The following PDGFD variants were observed in gnomAD, a reference collection of about 807,000 sequenced individuals.
The protein encoded by PDGFD is platelet derived growth factor D.
A neutral mutation model predicts 44.7 loss-of-function variants in PDGFD; 30 were observed. The ratio of observed to expected loss-of-function variants is 0.67; its 90% confidence interval spans 0.50 to 0.91. The LOEUF (loss-of-function observed/expected upper bound fraction) is 0.91. Ranked by LOEUF, PDGFD falls within the 40% of genes least tolerant of loss-of-function variation. The pLI, the probability that PDGFD is intolerant of heterozygous loss-of-function variation, is 0.00. For synonymous variants in PDGFD, 173 were observed against 168.4 expected (o/e 1.03, Z -0.21); for missense variants, 445 against 457.8 (o/e 0.97, Z 0.25).
chr11:103,966,763 C>T (rs1313375378), intron 3 of PDGFD, among the ~76,000 whole-genome samples: 2 of 152,184 alleles, frequency 1.3e-5, no homozygotes, highest in African/African-American at 2.4e-5. Flanking sequence ...ACCATGGGCA[C>T]AATATCACTT....
chr11:103,945,694 T>A (rs1325452046), intron 4 of PDGFD: 3 of 152,090 alleles, frequency 2.0e-5, no homozygotes, highest in Non-Finnish European at 4.4e-5. Context: ...CTGCATGGAG[T>A]TCTCCAGGGT....
At chr11:104,137,927 C>T (rs1255347989) in intron 1 of PDGFD, among the ~76,000 whole-genome samples, 1 of 151,902 alleles carries the variant, frequency 6.6e-6, no homozygotes, top group Non-Finnish European at 1.5e-5. Flanking sequence ...AATGCAGTAG[C>T]TTTGCAGAGA....
At chr11:104,125,758 G>A (rs1264476461) in intron 1 of PDGFD, among the ~76,000 whole-genome samples, 1 of 152,030 alleles carries the variant, frequency 6.6e-6, no homozygotes, top group African/African-American at 2.4e-5. Context: ...AACTTTATTT[G>A]CAAAATATCA....
intron 3 of PDGFD, among the ~76,000 whole-genome samples, chr11:103,953,664 CAAG>C (rs1390785101): frequency 6.6e-6 from 1 of 151,962 alleles, no homozygotes; most frequent in Non-Finnish European, 1.5e-5. Context: ...TAGCACAAAT[CAAG>C]AAGGTTTATT....
At chr11:104,065,052 G>C (rs1017678736) in intron 1 of PDGFD, among the ~76,000 whole-genome samples, 3 of 152,252 alleles carry the variant, frequency 2.0e-5, no homozygotes, top group South Asian at 4.1e-4. Flanking sequence ...AGAATAAAAG[G>C]AGGCAGAAGA....
At chr11:103,983,467 CT>C (rs1161065132) in intron 3 of PDGFD, among the ~76,000 whole-genome samples, 5 of 149,588 alleles carry the variant, frequency 3.3e-5, no homozygotes. Context: ...TAAAAAAATC[CT>C]GAAGACAACT....
rs570295834 is a variant in PDGFD at position 103,996,329 on chromosome 11, A to T, written c.330-84T>A. The T allele has an allele frequency of 3.0e-5, 35 of 1,174,616 alleles. No homozygotes were observed. The South Asian group carries it at 4.6e-4, about 15-fold the overall frequency. 72.8% of individuals were successfully genotyped at this position (1,174,616 alleles called of 1,614,324 possible). Reference sequence around the variant, plus strand: ...CTTTCACTGAGAAATTAAAACTAGCATATATGATTTGTCATGACCACAATC... The same window carrying T: ...CTTTCACTGAGAAATTAAAACTAGCTTATATGATTTGTCATGACCACAATC... On this transcript the variant is annotated intron_variant, in intron 2 of 6. Transcript: ENST00000393158.
chr11:103,937,435 AG>A (rs1244603056), intron 5 of PDGFD, among the ~76,000 whole-genome samples: 1 of 152,180 alleles, frequency 6.6e-6, no homozygotes, highest in Non-Finnish European at 1.5e-5. Context: ...GTTAATGTCC[AG>A]TCAGGGCTGA....
intron 1 of PDGFD, among the ~76,000 whole-genome samples, chr11:104,025,762 C>T (rs1009162197): frequency 1.3e-5 from 2 of 152,166 alleles, no homozygotes; most frequent in Non-Finnish European, 2.9e-5. Flanking sequence ...TGAGGCAGGG[C>T]AGCAACAGTG....
In PDGFD at chr11:104,119,659, AATTATATATCGAT is replaced by A. The variant is rs1367844472; in HGVS notation, c.124+44132_124+44144del. On this transcript the variant is annotated intron_variant, in intron 1 of 6. Coordinates refer to ENST00000393158, the MANE Select transcript of PDGFD (RefSeq NM_025208.5). Reference sequence around the variant, plus strand: ...ATATAATATATTAATAGATATATATAATTATATATCGATATATATATCGATATATAATATATAA... The same window carrying A: ...ATATAATATATTAATAGATATATATAATATATATCGATATATAATATATAA... Among the ~76,000 whole-genome samples the A allele has an allele frequency of 1.4e-3, 5 of 3,556 alleles. No homozygotes were observed. In the East Asian group the frequency reaches 0.38, roughly 267 times the overall value. 2.3% of individuals were successfully genotyped at this position (3,556 alleles called of 152,430 possible). A position where few individuals can be genotyped will look rare whatever the true frequency, so the allele number is the denominator to read the frequency against.
chr11:103,997,937 C>G (rs1297108984), intron 2 of PDGFD, among the ~76,000 whole-genome samples: 2 of 152,004 alleles, frequency 1.3e-5, no homozygotes, highest in Non-Finnish European at 2.9e-5. Flanking sequence ...TACTTCCTTC[C>G]ATAAATTTTG....
chr11:104,126,884 C>T (rs967666923), intron 1 of PDGFD, among the ~76,000 whole-genome samples: 2 of 148,110 alleles, frequency 1.4e-5, no homozygotes, highest in Non-Finnish European at 3.0e-5. Flanking sequence ...CGATGATACC[C>T]TCAGAGTAAA....
chr11:103,996,346 A>C (rs1033800486), intron 2 of PDGFD, 101 bp from the exon 3 acceptor site: 9 of 1,026,290 alleles, frequency 8.8e-6, no homozygotes, highest in African/African-American at 4.9e-5. Flanking sequence ...ATTTGTCATG[A>C]CCACAATCTG....
At chr11:104,044,882 C>CA (rs1215029929) in intron 1 of PDGFD, among the ~76,000 whole-genome samples, 7 of 152,058 alleles carry the variant, frequency 4.6e-5, no homozygotes, top group Non-Finnish European at 8.8e-5. Flanking sequence ...ACTAAAAATA[C>CA]AAAAAATTAG....
At chr11:104,008,107 T>C (rs1163368280) in intron 1 of PDGFD, among the ~76,000 whole-genome samples, 1 of 152,170 alleles carries the variant, frequency 6.6e-6, no homozygotes, top group Non-Finnish European at 1.5e-5. Flanking sequence ...TTCCCCTATA[T>C]TACAAACAGC....
chr11:104,134,301 T>C (rs2119852315), intron 1 of PDGFD, among the ~76,000 whole-genome samples: 1 of 152,290 alleles, frequency 6.6e-6, no homozygotes, highest in East Asian at 1.9e-4. Context: ...AGCCTTAATT[T>C]TTTCCAGCTG....
chr11:104,121,735 A>T (rs1238659207), intron 1 of PDGFD, among the ~76,000 whole-genome samples: 1 of 152,074 alleles, frequency 6.6e-6, no homozygotes, highest in African/African-American at 2.4e-5. Flanking sequence ...ACTGGTTTGC[A>T]AATTATACCT....
intron 6 of PDGFD, among the ~76,000 whole-genome samples, chr11:103,921,144 A>G (rs1219663771): frequency 6.6e-6 from 1 of 152,222 alleles, no homozygotes; most frequent in Non-Finnish European, 1.5e-5. Flanking sequence ...TCTTGGTAGG[A>G]AAACATCACA....
chr11:104,127,954 A>G (rs973371802), intron 1 of PDGFD, among the ~76,000 whole-genome samples: 4 of 152,154 alleles, frequency 2.6e-5, no homozygotes, highest in Non-Finnish European at 5.9e-5. Context: ...CATTCCTGTT[A>G]CAAATACTGA....
Sources: gnomAD v4.1 joint callset for allele counts (sites outside exome capture counted in the v4.1 genomes callset) on GRCh38, gnomAD v4.1.1 for gene constraint, MANE v1.5 for transcripts, NCBI Gene and HGNC (gene_info 2026-07-23, HGNC 2026-07-21) for gene names.